The following FGF12 variants were observed in gnomAD, a reference collection of about 807,000 sequenced individuals.
The protein encoded by FGF12 is fibroblast growth factor 12B.
In FGF12, 14 loss-of-function variants were observed where a neutral mutation model predicts 23.6. That is an observed-to-expected ratio of 0.59 (90% CI 0.39 to 0.93). The LOEUF is 0.93. FGF12 is among the 40% of genes least tolerant of loss of function. FGF12 has a pLI of 0.00. For missense variants in FGF12, 175 were observed against 217.8 expected, an observed-to-expected ratio of 0.80 and a Z score of 1.24; for synonymous variants, 62 against 77.3, an observed-to-expected ratio of 0.80 and a Z score of 1.04.
In FGF12 at chr3:192,409,125, C is replaced by G. The variant is rs952870048; in HGVS notation, c.14-48587G>C. The G allele has an allele frequency of 2.6e-5, 9 of 340,396 alleles. No individual in the cohort carries two copies. The highest frequency in any genetic ancestry group is 6.7e-5 in the African/African-American group (3 of 44,834). 21.1% of individuals were successfully genotyped at this position (340,396 alleles called of 1,614,324 possible). Reference sequence around the variant, plus strand: ...AGATCCTCGAGGGCCAAGCACCCCTCGGGGAGAAACCAGCGAGAGGCGATC... The same window carrying G: ...AGATCCTCGAGGGCCAAGCACCCCTGGGGGAGAAACCAGCGAGAGGCGATC... On this transcript the variant is annotated intron_variant, in intron 2 of 5. Transcript: ENST00000445105. The surrounding 1 kb of genome is among the most constrained non-coding windows in gnomAD (Gnocchi z 4.8).
chr3:192,464,473 C>CT (rs1346228395), intron 2 of FGF12, among the ~76,000 whole-genome samples: 1 of 146,096 alleles, frequency 6.8e-6, no homozygotes, highest in African/African-American at 2.5e-5. Context: ...TATTTCATTC[C>CT]TTTTTAGGGC....
rs183872386 is a variant in FGF12 at position 192,225,310 on chromosome 3, G to A, written c.229-54654C>T. Among the ~76,000 whole-genome samples the A allele has an allele frequency of 1.2e-3, 178 of 152,032 alleles. 2 individuals carry two copies. The highest frequency in any genetic ancestry group is 3.9e-3 in the African/African-American group (162 of 41,460). On this transcript the variant is annotated intron_variant, in intron 4 of 5. Coordinates refer to ENST00000445105, the MANE Select transcript of FGF12 (RefSeq NM_004113.6). ...TTGCATATTTCTCCTCTATTCCATC[G>A]TCATTCTCTGCCCCACCATCCCTTG...
chr3:192,510,970 G>A (rs1724451659), intron 2 of FGF12, among the ~76,000 whole-genome samples: 1 of 152,168 alleles, frequency 6.6e-6, no homozygotes, highest in African/African-American at 2.4e-5. Flanking sequence ...GATTAGGAAA[G>A]ATGGAGTTTG....
intron 2 of FGF12, among the ~76,000 whole-genome samples, chr3:192,702,439 A>G (rs1213508611): frequency 6.6e-6 from 1 of 152,212 alleles, no homozygotes; most frequent in Non-Finnish European, 1.5e-5. Context: ...TGTAAGTTGA[A>G]AACTTTCTTA....
chr3:192,716,082 T>C (rs1718856455), intron 2 of FGF12, among the ~76,000 whole-genome samples: 1 of 152,210 alleles, frequency 6.6e-6, no homozygotes, highest in Non-Finnish European at 1.5e-5. Flanking sequence ...TTAGACTAGA[T>C]TGTCTACACC....
chr3:192,591,934 T>C (rs1018352209), intron 2 of FGF12, among the ~76,000 whole-genome samples: 1 of 151,558 alleles, frequency 6.6e-6, no homozygotes, highest in Non-Finnish European at 1.5e-5. Context: ...TTTGCCACAG[T>C]ACATAATCTC....
chr3:192,303,173 T>A (rs1715437242), intron 4 of FGF12, among the ~76,000 whole-genome samples: 1 of 152,216 alleles, frequency 6.6e-6, no homozygotes, highest in Non-Finnish European at 1.5e-5. Context: ...GTACTTTTTC[T>A]TTTGTAAGGT....
intron 2 of FGF12, among the ~76,000 whole-genome samples, chr3:192,588,346 T>A (rs1713466786): frequency 9.4e-5 from 4 of 42,728 alleles, no homozygotes; most frequent in African/African-American, 7.3e-5. Context: ...CAACAATCCG[T>A]CTCAAAAAAA....
chr3:192,460,273 GAACT>G (rs972257060), intron 2 of FGF12, among the ~76,000 whole-genome samples: 2 of 152,164 alleles, frequency 1.3e-5, no homozygotes, highest in South Asian at 2.1e-4. Context: ...AGACTCAGCT[GAACT>G]AACCACTTGG....
intron 2 of FGF12, among the ~76,000 whole-genome samples, chr3:192,573,188 G>T (rs1384517930): frequency 4.0e-5 from 6 of 151,522 alleles, no homozygotes; most frequent in Non-Finnish European, 7.4e-5. Flanking sequence ...ACCTACTTCT[G>T]AACTGGCCTT....
intron 4 of FGF12, among the ~76,000 whole-genome samples, chr3:192,313,790 C>G (rs926507905): frequency 1.3e-5 from 2 of 152,204 alleles, no homozygotes; most frequent in African/African-American, 4.8e-5. Context: ...TTTTCTCTCT[C>G]TCTTTCTTGC....
chr3:192,207,560 G>A lies in FGF12; in HGVS notation c.229-36904C>T, dbSNP rs905820953. On this transcript the variant is annotated intron_variant, in intron 4 of 5. Coordinates refer to ENST00000445105, the MANE Select transcript of FGF12 (RefSeq NM_004113.6). ...CAGTGTATTTGGAGAGTGGGGAGAA[G>A]TGAAGTGTGGCTAGAGCATATGGCA... Among the ~76,000 whole-genome samples, 16 of 152,206 alleles carry A rather than the reference G, an allele frequency of 1.1e-4. 1 individual carries two copies. The highest frequency in any genetic ancestry group is 3.6e-4 in the African/African-American group (15 of 41,442).
chr3:192,718,211 G>C (rs546256365), intron 2 of FGF12, among the ~76,000 whole-genome samples: 2 of 143,324 alleles, frequency 1.4e-5, no homozygotes, highest in African/African-American at 5.3e-5. Flanking sequence ...GTTAGGGCTG[G>C]CAGAGAGAAG....
intron 4 of FGF12, among the ~76,000 whole-genome samples, chr3:192,228,408 C>T (rs1286136440): frequency 5.9e-5 from 9 of 152,088 alleles, no homozygotes; most frequent in African/African-American, 2.2e-4. Context: ...AATTGCATTA[C>T]AGATATTAGC....
intron 2 of FGF12, among the ~76,000 whole-genome samples, chr3:192,414,994 T>A (rs556186542): frequency 6.6e-6 from 1 of 152,186 alleles, no homozygotes; most frequent in East Asian, 1.9e-4. Context: ...TGAAACACTC[T>A]CCTTCTTAGT....
At chr3:192,611,795 A>T (rs1339371226) in intron 2 of FGF12, among the ~76,000 whole-genome samples, 1 of 152,054 alleles carries the variant, frequency 6.6e-6, no homozygotes, top group African/African-American at 2.4e-5. Flanking sequence ...AGTCAGAGCT[A>T]TGTTCCTCAA....
At chr3:192,246,691 G>A (rs889876089) in intron 4 of FGF12, among the ~76,000 whole-genome samples, 2 of 151,732 alleles carry the variant, frequency 1.3e-5, no homozygotes, top group Non-Finnish European at 2.9e-5. Flanking sequence ...CAGGTGCAGT[G>A]GTGGACGCCT....
intron 2 of FGF12, among the ~76,000 whole-genome samples, chr3:192,683,158 T>C (rs1022939171): frequency 2.6e-5 from 4 of 152,266 alleles, no homozygotes; most frequent in African/African-American, 7.2e-5. Flanking sequence ...CCTTCCAAAT[T>C]TGTATTCAGT....
chr3:192,560,835 G>GAA (rs1170168592), intron 2 of FGF12, among the ~76,000 whole-genome samples: 1 of 151,810 alleles, frequency 6.6e-6, no homozygotes, highest in Non-Finnish European at 1.5e-5. Context: ...ACCTATTACT[G>GAA]AAAAAAAGGC....
Sources: gnomAD v4.1 joint callset for allele counts (sites outside exome capture counted in the v4.1 genomes callset) on GRCh38, gnomAD v4.1.1 for gene constraint, Gnocchi (gnomAD v3.1) non-coding constraint, MANE v1.5 for transcripts, NCBI Gene and HGNC (gene_info 2026-07-23, HGNC 2026-07-21) for gene names.